Variants in ANXA8 observed in about 807,000 individuals in gnomAD.
ANXA8 encodes the protein annexin A8.
In ANXA8, 9 loss-of-function variants were observed where a neutral mutation model predicts 26.8. The observed-to-expected ratio is 0.34, with a 90% CI of 0.20 to 0.59. The LOEUF is 0.59. Ranked by LOEUF, ANXA8 falls within the 20% of genes least tolerant of loss-of-function variation. The pLI is 0.84. For synonymous variants in ANXA8, 39 were observed against 94.8 expected, an observed-to-expected ratio of 0.41 and a Z score of 3.42; for missense variants, 83 against 238.5, an observed-to-expected ratio of 0.35 and a Z score of 4.29.
At chr10:47,686,926 G>A in the ANXA8 span, among the ~76,000 whole-genome samples, 1,099 of 151,112 alleles carry the variant, frequency 7.3e-3, 16 homozygotes, top group African/African-American at 0.025. Context: ...TTGTGGGGGC[G>A]GGGGGGTTGG....
At chr10:47,519,509 CCTCT>C in the ANXA8 span, among the ~76,000 whole-genome samples, 1,491 of 116,090 alleles carry the variant, frequency 0.013, 33 homozygotes, top group Middle Eastern at 0.039. Context: ...TCCCCCTTCC[CCTCT>C]CTCTTTCACC....
At chr10:47,558,069 T>C in the ANXA8 span, among the ~76,000 whole-genome samples, 1 of 151,886 alleles carries the variant, frequency 6.6e-6, no homozygotes, top group Admixed American at 6.6e-5. Flanking sequence ...CTGTGTATAG[T>C]TGCAGATGTC....
chr10:47,626,469 T>C, the ANXA8 span, among the ~76,000 whole-genome samples: 1 of 150,220 alleles, frequency 6.7e-6, no homozygotes, highest in Non-Finnish European at 1.5e-5. Context: ...ATATTGTAAC[T>C]AATTATAATA....
chr10:47,953,121 T>C, the ANXA8 span, among the ~76,000 whole-genome samples: 1 of 150,162 alleles, frequency 6.7e-6, no homozygotes, highest in East Asian at 2.1e-4. Flanking sequence ...CTTATTGAAA[T>C]TAAAAGTTTT....
the ANXA8 span, among the ~76,000 whole-genome samples, chr10:47,558,272 C>T: frequency 1.3e-5 from 2 of 151,860 alleles, no homozygotes; most frequent in Admixed American, 6.6e-5. Flanking sequence ...GGTGTGTCTT[C>T]AGTTTCCTCT....
At chr10:47,500,633 A>G in the ANXA8 span, among the ~76,000 whole-genome samples, 2 of 98,754 alleles carry the variant, frequency 2.0e-5, no homozygotes, top group Non-Finnish European at 1.9e-5. Flanking sequence ...AGCAAATTGT[A>G]CCACCATCTT....
At chr10:47,547,451 T>A in the ANXA8 span, among the ~76,000 whole-genome samples, 1 of 122,614 alleles carries the variant, frequency 8.2e-6, no homozygotes, top group South Asian at 2.8e-4. Context: ...TACATATATA[T>A]AAAGGTCTGC....
At chr10:47,671,095 A>G in the ANXA8 span, among the ~76,000 whole-genome samples, 3 of 151,962 alleles carry the variant, frequency 2.0e-5, no homozygotes, top group Non-Finnish European at 2.9e-5. Context: ...AGCTATTTTT[A>G]ACCATGATAA....
At chr10:47,937,643 G>A in the ANXA8 span, among the ~76,000 whole-genome samples, 1 of 141,540 alleles carries the variant, frequency 7.1e-6, no homozygotes, top group African/African-American at 2.6e-5. Flanking sequence ...GTAGGCCCCA[G>A]TGTCTGTCGT....
the ANXA8 span, among the ~76,000 whole-genome samples, chr10:47,634,211 A>T: frequency 1.4e-5 from 1 of 69,922 alleles, no homozygotes; most frequent in African/African-American, 9.5e-5. Flanking sequence ...CAAGCTAATA[A>T]AACTCGGCAT....
the ANXA8 span, chr10:47,581,557 C>T: frequency 2.0e-6 from 1 of 500,934 alleles, no homozygotes; most frequent in African/African-American, 2.0e-5. Context: ...TCTCACACTG[C>T]TCTCCTCCAT....
chr10:47,733,141 T>TAATC, the ANXA8 span, among the ~76,000 whole-genome samples: 2 of 143,692 alleles, frequency 1.4e-5, no homozygotes, highest in East Asian at 2.1e-4. Flanking sequence ...CCCAACTCCC[T>TAATC]AATCTTTCTT....
chr10:47,737,570 T>C, the ANXA8 span, among the ~76,000 whole-genome samples: 3 of 151,940 alleles, frequency 2.0e-5, no homozygotes, highest in Non-Finnish European at 4.4e-5. Flanking sequence ...ATTATAACTT[T>C]ACATCTGATA....
chr10:47,556,719 A>G, the ANXA8 span, among the ~76,000 whole-genome samples: 1 of 151,714 alleles, frequency 6.6e-6, no homozygotes, highest in Non-Finnish European at 1.5e-5. Flanking sequence ...TTCTTTTTGT[A>G]TTTCAATTTT....
the ANXA8 span, among the ~76,000 whole-genome samples, chr10:47,976,488 G>A: frequency 6.6e-6 from 1 of 151,282 alleles, no homozygotes; most frequent in Non-Finnish European, 1.5e-5. Flanking sequence ...TGGGAGGATT[G>A]CTTAAGTCCA....
At chr10:47,647,268 T>G in the ANXA8 span, among the ~76,000 whole-genome samples, 1 of 150,522 alleles carries the variant, frequency 6.6e-6, no homozygotes, top group East Asian at 1.9e-4. Flanking sequence ...TAATTTTTAT[T>G]GATATTTTTT....
the ANXA8 span, among the ~76,000 whole-genome samples, chr10:47,973,773 AG>A: frequency 5.8e-4 from 88 of 151,386 alleles, 1 homozygote; most frequent in African/African-American, 2.0e-3. Context: ...AGAGACCGTT[AG>A]AAAACCAAAA....
At chr10:47,613,004 C>T in the ANXA8 span, among the ~76,000 whole-genome samples, 12 of 74,818 alleles carry the variant, frequency 1.6e-4, 5 homozygotes, top group African/African-American at 4.7e-4. Context: ...CTAGAATTGG[C>T]TGTTTAGATT....
At chr10:47,502,391 G>C in the ANXA8 span, 1 of 1,610,026 alleles carries the variant, frequency 6.2e-7, no homozygotes, top group South Asian at 1.1e-5. Flanking sequence ...GTGCAGGGTA[G>C]TGGGGCCAGA....
Sources: gnomAD v4.1 joint callset for allele counts (sites outside exome capture counted in the v4.1 genomes callset) on GRCh38, gnomAD v4.1.1 for gene constraint, MANE v1.5 for transcripts, NCBI Gene and HGNC (gene_info 2026-07-23, HGNC 2026-07-21) for gene names.